DOCK10: variants seen among roughly 807,000 people sequenced by gnomAD.
The protein encoded by DOCK10 is dedicator of cytokinesis protein 10.
In DOCK10, 145 loss-of-function variants were observed where a neutral mutation model predicts 280.1. The ratio of observed to expected loss-of-function variants is 0.52; its 90% confidence interval spans 0.45 to 0.59. The LOEUF is 0.59. Among genes scored for constraint, DOCK10 ranks in the 20% least tolerant of loss-of-function variants. The pLI, the probability that DOCK10 is intolerant of heterozygous loss-of-function variation, is 0.00. For synonymous variants in DOCK10, 915 were observed against 942.2 expected, an observed-to-expected ratio of 0.97 and a Z score of 0.53; for missense variants, 2,368 against 2,651.7, an observed-to-expected ratio of 0.89 and a Z score of 2.35.
rs1335354900 is a variant in DOCK10, at chr2:224,862,702, T to C, written c.1647A>G (p.Lys549=). The part of the protein sequence containing the change: ...ILKSNRQFCS[K]LGKYRMPFAW... ...CAAAAGGCATACGGTATTTTCCCAA[T>C]TTGCTGCAGAATTGTCTGTTGGATT... The change falls in exon 14 of 56, where the codon AAA becomes AAG. Residue 549 remains lysine, a synonymous_variant. Coordinates refer to ENST00000258390, the MANE Select transcript of DOCK10 (RefSeq NM_014689.3). 2 of 1,612,188 alleles carry C rather than the reference T, an allele frequency of 1.2e-6. No individual in the cohort carries two copies. The highest frequency in any genetic ancestry group is 1.7e-5 in the Admixed American group (1 of 59,806).
At chr2:225,002,955 A>C (rs1402272397) in intron 1 of DOCK10, among the ~76,000 whole-genome samples, 2 of 152,252 alleles carry the variant, frequency 1.3e-5, no homozygotes, top group Non-Finnish European at 2.9e-5. Flanking sequence ...GGCAGACAGC[A>C]AGAACCGAGA....
chr2:224,858,735 G>A (rs1236779624), intron 14 of DOCK10, among the ~76,000 whole-genome samples: 3 of 152,156 alleles, frequency 2.0e-5, no homozygotes, highest in African/African-American at 7.2e-5. Context: ...TGGCTGGAAC[G>A]CTGTGCCTAG....
intron 2 of DOCK10, among the ~76,000 whole-genome samples, chr2:224,918,372 T>C (rs1701454994): frequency 6.7e-6 from 1 of 149,824 alleles, no homozygotes; most frequent in African/African-American, 2.5e-5. Flanking sequence ...GGTGGGTGTG[T>C]CTGTGCAATG....
chr2:224,923,546 C>T (rs946561984), intron 2 of DOCK10, among the ~76,000 whole-genome samples: 2 of 152,188 alleles, frequency 1.3e-5, no homozygotes, highest in African/African-American at 4.8e-5. Context: ...CTGAGTTTAC[C>T]ATCCAAGAAA....
At chr2:224,982,603 G>T (rs1162674847) in intron 1 of DOCK10, 1 of 804,580 alleles carries the variant, frequency 1.2e-6, no homozygotes, top group Non-Finnish European at 1.5e-6. Flanking sequence ...CGCTCAGAAA[G>T]TATTTCTCAA....
In DOCK10 at chr2:224,787,010, T is replaced by C. The variant is rs762386033; in HGVS notation, c.5655+12A>G. 6.3e-6 allele frequency: 10 copies of C among 1,598,072 alleles called. No homozygotes were observed. The highest frequency in any genetic ancestry group is 2.2e-5 in the East Asian group (1 of 44,828). On this transcript the variant is annotated intron_variant, in intron 50 of 55. Coordinates refer to ENST00000258390, the MANE Select transcript of DOCK10 (RefSeq NM_014689.3). ...CAGAATTTATGGGCCGTGTTATTTC[T>C]GGTGAACTTACCTGCCCATAAAATG... is the stretch of plus-strand genomic sequence containing the variant.
At chr2:224,941,496 G>A (rs1703072662) in intron 1 of DOCK10, among the ~76,000 whole-genome samples, 1 of 152,082 alleles carries the variant, frequency 6.6e-6, no homozygotes, top group African/African-American at 2.4e-5. Context: ...GGTATAATAA[G>A]GTCACCAGGC....
At chr2:224,856,807 A>G (rs1697174655) in intron 15 of DOCK10, 53 bp downstream of exon 15, 2 of 1,510,782 alleles carry the variant, frequency 1.3e-6, no homozygotes, top group Admixed American at 2.0e-5. Context: ...TGAAGTGATA[A>G]AAAATCAACA....
At chr2:224,919,006 G>A (rs1021835426) in intron 2 of DOCK10, among the ~76,000 whole-genome samples, 4 of 145,290 alleles carry the variant, frequency 2.8e-5, no homozygotes, top group African/African-American at 1.0e-4. Context: ...ATGTGTATGT[G>A]TGATGTATAT....
At chr2:224,931,452 A>T (rs1702369293) in intron 2 of DOCK10, 97 bp downstream of exon 2, 1 of 1,366,960 alleles carries the variant, frequency 7.3e-7, no homozygotes, top group African/African-American at 1.5e-5. Context: ...TAGGGTGGCC[A>T]CAGGGAGGCC....
chr2:224,971,429 G>T (rs1468429333), intron 1 of DOCK10, among the ~76,000 whole-genome samples: 1 of 152,040 alleles, frequency 6.6e-6, no homozygotes, highest in Admixed American at 6.5e-5. Flanking sequence ...ACTGTAGCAG[G>T]GTGTGAAGTG....
chr2:224,835,462 C>T lies in DOCK10; in HGVS notation c.2851-1199G>A, dbSNP rs769125739. Among the ~76,000 whole-genome samples the T allele has an allele frequency of 3.9e-5, 6 of 152,178 alleles. No individual in the cohort carries two copies. In the East Asian group the frequency reaches 5.8e-4, roughly 15 times the overall value. On this transcript the variant is annotated intron_variant, in intron 25 of 55. Transcript: ENST00000258390. ...ATGTGTGCATTTTGCATATTGTAGA[C>T]GAAGTGAGTTAGCAGCATTTAGCAC... is the stretch of plus-strand genomic sequence containing the variant.
At chr2:224,860,172 C>G (rs950024126) in intron 14 of DOCK10, among the ~76,000 whole-genome samples, 1 of 152,184 alleles carries the variant, frequency 6.6e-6, no homozygotes, top group African/African-American at 2.4e-5. Flanking sequence ...GTCAGCCTCC[C>G]TAGAGACTTC....
At chr2:224,880,425 A>C (rs943508734) in intron 7 of DOCK10, among the ~76,000 whole-genome samples, 12 of 152,184 alleles carry the variant, frequency 7.9e-5, no homozygotes, top group African/African-American at 2.9e-4. Context: ...AAAAATTGAA[A>C]ATCAATGGGA....
chr2:224,861,093 T>G (rs1388237752), intron 14 of DOCK10: 6 of 152,198 alleles, frequency 3.9e-5, no homozygotes, highest in Non-Finnish European at 8.8e-5. Flanking sequence ...AAATGTTTAA[T>G]CAGTGAATTA....
intron 2 of DOCK10, among the ~76,000 whole-genome samples, chr2:224,919,117 T>C (rs1701531975): frequency 6.7e-6 from 1 of 148,348 alleles, no homozygotes; most frequent in Non-Finnish European, 1.5e-5. Context: ...TGAGTTTATG[T>C]GTATGTGTGG....
chr2:224,869,348 C>G (rs919931691), intron 11 of DOCK10, among the ~76,000 whole-genome samples: 7 of 152,156 alleles, frequency 4.6e-5, no homozygotes, highest in Non-Finnish European at 1.0e-4. Context: ...TTCAGGGAGT[C>G]TTCAGAATCT....
At chr2:225,016,931 C>T (rs1016499055) in intron 1 of DOCK10, among the ~76,000 whole-genome samples, 4 of 151,698 alleles carry the variant, frequency 2.6e-5, no homozygotes, top group Non-Finnish European at 4.4e-5. Context: ...CCATGTTGGC[C>T]AGGCTGGTCT....
At chr2:224,775,634 C>T (rs1445471516) in intron 51 of DOCK10, among the ~76,000 whole-genome samples, 2 of 152,230 alleles carry the variant, frequency 1.3e-5, no homozygotes, top group South Asian at 2.1e-4. Context: ...TGCCACCACA[C>T]CTAGCTAATT....
Sources: allele counts gnomAD v4.1 joint callset (sites outside exome capture counted in the v4.1 genomes callset), GRCh38; gene constraint gnomAD v4.1.1; transcripts MANE v1.5; gene names NCBI Gene and HGNC (gene_info 2026-07-23, HGNC 2026-07-21).